DGKI: variants seen among roughly 807,000 people sequenced by gnomAD.
DGKI encodes DAG kinase iota.
In DGKI, 55 loss-of-function variants were observed where a neutral mutation model predicts 147.5. That is an observed-to-expected ratio of 0.37 (90% CI 0.30 to 0.47). DGKI has a LOEUF of 0.47. Among genes scored for constraint, DGKI ranks in the 20% least tolerant of loss-of-function variants. The pLI, the probability that DGKI is intolerant of heterozygous loss-of-function variation, is 1.00. For synonymous variants in DGKI, 469 were observed against 477.1 expected (o/e 0.98, Z 0.22); for missense variants, 1,007 against 1,323.8 (o/e 0.76, Z 3.71).
At chr7:137,522,938 T>C (rs934321165) in intron 20 of DGKI, among the ~76,000 whole-genome samples, 11 of 152,010 alleles carry the variant, frequency 7.2e-5, no homozygotes, top group Non-Finnish European at 4.4e-5. Context: ...TTTTTTTTTA[T>C]ATTAAATGGT....
chr7:137,578,563 G>C (rs1241258975), intron 15 of DGKI, among the ~76,000 whole-genome samples: 1 of 152,204 alleles, frequency 6.6e-6, no homozygotes, highest in Non-Finnish European at 1.5e-5. Flanking sequence ...CATTAGCTGA[G>C]AGCTTGTTAG....
At position 137,390,739 on chromosome 7, in the gene DGKI, T is replaced by A. The variant is rs1811328285; in HGVS notation, c.*481A>T. 1 of 157,902 alleles carries A rather than the reference T, an allele frequency of 6.3e-6. No homozygotes were observed. Among genetic ancestry groups the A allele is most frequent in the Admixed American group, 6.0e-5 (1 of 16,646 alleles). 9.8% of individuals were successfully genotyped at this position (157,902 alleles called of 1,614,324 possible). On this transcript the variant is annotated 3_prime_UTR_variant, in exon 33 of 33. Transcript: ENST00000614521. ...ATTTCTGCAGGACATTCAGAAGGTT[T>A]TAGAAGGCCTTCAGACAATCTTGTG...
At chr7:137,499,699 G>T (rs894513710) in intron 21 of DGKI, among the ~76,000 whole-genome samples, 8 of 152,098 alleles carry the variant, frequency 5.3e-5, no homozygotes, top group African/African-American at 1.9e-4. Flanking sequence ...TATACCACCA[G>T]CTCCCCTGGT....
chr7:137,569,243 C>T (rs1728452), intron 19 of DGKI, among the ~76,000 whole-genome samples: 7,815 of 152,102 alleles, frequency 0.051, 514 homozygotes, highest in African/African-American at 0.13. Flanking sequence ...ACTTCCAGGC[C>T]TAGGTAAGGG....
chr7:137,657,839 G>A (rs1822281169), intron 3 of DGKI, among the ~76,000 whole-genome samples: 1 of 152,194 alleles, frequency 6.6e-6, no homozygotes, highest in Non-Finnish European at 1.5e-5. Context: ...GGAGGGGTAG[G>A]ATTAGGAAAG....
intron 27 of DGKI, among the ~76,000 whole-genome samples, chr7:137,459,543 T>TTC (rs1278966439): frequency 1.1e-4 from 16 of 150,162 alleles, no homozygotes; most frequent in Admixed American, 4.0e-4. Flanking sequence ...GGCACGGTCT[T>TTC]GGCTCACTGC....
Position 137,824,798 on chromosome 7 carries a change from G to A in DGKI, c.401+21664C>T, listed in dbSNP as rs1029364314. 6.6e-5 allele frequency among the ~76,000 whole-genome samples: 10 copies of A among 152,192 alleles called. 1 individual carries two copies. Among genetic ancestry groups the A allele is most frequent in the Non-Finnish European group, 1.5e-4 (10 of 68,034 alleles). On this transcript the variant is annotated intron_variant, in intron 1 of 32. Coordinates refer to ENST00000614521, the MANE Select transcript of DGKI (RefSeq NM_001321708.2). ...TCATTTAGCTCCCAGTTATAAGTGA[G>A]AGCATGCAGTATTTGGTTTTCTGTT...
intron 15 of DGKI, among the ~76,000 whole-genome samples, chr7:137,581,496 T>C: frequency 6.6e-6 from 1 of 152,156 alleles, no homozygotes; most frequent in East Asian, 1.9e-4. Flanking sequence ...TCCTAGTGAC[T>C]TCAGTAATAG....
chr7:137,472,299 T>TA (rs376533829), intron 23 of DGKI, among the ~76,000 whole-genome samples: 81 of 3,906 alleles, frequency 0.021, 3 homozygotes, highest in African/African-American at 0.032. Context: ...TATGTGTATA[T>TA]TTATGTGTAT....
At chr7:137,593,214 CA>C (rs1819674700) in intron 12 of DGKI, among the ~76,000 whole-genome samples, 2 of 152,138 alleles carry the variant, frequency 1.3e-5, no homozygotes, top group African/African-American at 2.4e-5. Context: ...CCAAGTTCAC[CA>C]AAGTCAGGAG....
At position 137,390,841 on chromosome 7, in the gene DGKI, G is replaced by T. The variant is rs775146751; in HGVS notation, c.*379C>A. ...ATGGGTAGTTACAGTAGAATTGTAT[G>T]GTACAGGGAAAAAAACCAATGCATA... is the stretch of plus-strand genomic sequence containing the variant. On this transcript the variant is annotated 3_prime_UTR_variant, in exon 33 of 33. Coordinates refer to ENST00000614521, the MANE Select transcript of DGKI (RefSeq NM_001321708.2). 9 of 198,916 alleles carry T rather than the reference G, an allele frequency of 4.5e-5. No individual in the cohort carries two copies. Among genetic ancestry groups the T allele is most frequent in the Non-Finnish European group, 7.3e-5 (7 of 96,532 alleles). The allele number at this position is 198,916 out of a possible 1,614,324, so 12.3% of individuals were successfully genotyped here. A position where few individuals can be genotyped will look rare whatever the true frequency, so the allele number is the denominator to read the frequency against.
chr7:137,641,937 C>T (rs1231788199), intron 6 of DGKI, among the ~76,000 whole-genome samples: 1 of 152,208 alleles, frequency 6.6e-6, no homozygotes, highest in Non-Finnish European at 1.5e-5. Context: ...ATAATCATTA[C>T]TATATTTTTT....
intron 6 of DGKI, among the ~76,000 whole-genome samples, chr7:137,625,743 TAAA>T (rs11302496): frequency 0.017 from 2,234 of 128,908 alleles, 58 homozygotes; most frequent in African/African-American, 0.058. Context: ...ATATTAAAAT[TAAA>T]AAAAAAAAAA....
At chr7:137,535,097 G>T (rs1298203911) in intron 20 of DGKI, among the ~76,000 whole-genome samples, 1 of 152,058 alleles carries the variant, frequency 6.6e-6, no homozygotes, top group Non-Finnish European at 1.5e-5. Context: ...AATTTCTGTT[G>T]TTTTAGCCAC....
intron 3 of DGKI, among the ~76,000 whole-genome samples, chr7:137,670,066 C>T (rs1157344473): frequency 6.6e-6 from 1 of 152,128 alleles, no homozygotes; most frequent in East Asian, 1.9e-4. Context: ...CTTCACAGGA[C>T]CTATTTGCAT....
intron 5 of DGKI, among the ~76,000 whole-genome samples, chr7:137,650,922 G>C (rs560113935): frequency 1.3e-5 from 2 of 152,320 alleles, no homozygotes; most frequent in African/African-American, 4.8e-5. Context: ...ATATCCAAAG[G>C]TGGGGAATAT....
intron 20 of DGKI, among the ~76,000 whole-genome samples, chr7:137,550,168 T>G (rs75446507): frequency 6.9e-4 from 70 of 101,056 alleles, no homozygotes; most frequent in African/African-American, 2.8e-3. Context: ...GTTGTTTGAG[T>G]TTTTTTTTTT....
intron 4 of DGKI, 133 bp from the exon 5 acceptor site, chr7:137,654,921 T>C (rs1563134497): frequency 3.4e-6 from 2 of 586,844 alleles, no homozygotes; most frequent in Non-Finnish European, 5.9e-6. Context: ...GGAATAATAC[T>C]CTTCTTAGTC....
chr7:137,431,880 C>G (rs1249218267), intron 28 of DGKI, among the ~76,000 whole-genome samples: 2 of 152,304 alleles, frequency 1.3e-5, no homozygotes, highest in East Asian at 3.9e-4. Flanking sequence ...CAGAATGATA[C>G]AAGTTGATAC....
Sources: gnomAD v4.1 joint callset for allele counts (sites outside exome capture counted in the v4.1 genomes callset) on GRCh38, gnomAD v4.1.1 for gene constraint, MANE v1.5 for transcripts, NCBI Gene and HGNC (gene_info 2026-07-23, HGNC 2026-07-21) for gene names.